ASB3: variants seen among roughly 807,000 people sequenced by gnomAD.
ASB3 encodes the protein ankyrin repeat and SOCS box containing 3, also known as ankyrin repeat and SOCS box protein 3.
A neutral mutation model predicts 54.5 loss-of-function variants in ASB3; 41 were observed. The ratio of observed to expected loss-of-function variants is 0.75; its 90% CI spans 0.59 to 0.98. ASB3 has a LOEUF of 0.98. Among genes scored for constraint, ASB3 ranks in the 50% least tolerant of loss-of-function variants. ASB3 has a pLI of 0.00. For missense variants in ASB3, 733 were observed against 620.0 expected (o/e 1.18, Z -1.94); for synonymous variants, 266 against 221.2 (o/e 1.20, Z -1.80).
chr2:53,764,682 T>TTTGTAGCACTGGC (rs1207061023), intron 2 of ASB3, among the ~76,000 whole-genome samples: 2 of 152,198 alleles, frequency 1.3e-5, no homozygotes, highest in Non-Finnish European at 2.9e-5. Flanking sequence ...ATAGCACTGG[T>TTTGTAGCACTGGC]TTGTAGCACT....
chr2:53,771,933 A>C (rs1165873261), intron 1 of ASB3: 1 of 1,560,816 alleles, frequency 6.4e-7, no homozygotes, highest in Non-Finnish European at 8.7e-7. Flanking sequence ...CTCTTGTTGA[A>C]GATCCTGCGG....
At chr2:53,713,493 T>C (rs1284349645) in intron 7 of ASB3, among the ~76,000 whole-genome samples, 2 of 152,220 alleles carry the variant, frequency 1.3e-5, no homozygotes, top group African/African-American at 2.4e-5. Context: ...ATAGACAAAG[T>C]TACTGGCCAG....
At chr2:53,681,645 C>A (rs181796315) in intron 9 of ASB3, among the ~76,000 whole-genome samples, 12 of 152,180 alleles carry the variant, frequency 7.9e-5, no homozygotes, top group East Asian at 5.8e-4. Flanking sequence ...TTCTTGGCAC[C>A]TTTGTTGAAA....
intron 5 of ASB3, among the ~76,000 whole-genome samples, chr2:53,723,596 A>ATGTGCCTTTTT (rs1670831813): frequency 6.6e-6 from 1 of 152,204 alleles, no homozygotes; most frequent in African/African-American, 2.4e-5. Context: ...TTAAATTCAT[A>ATGTGCCTTTTT]TGGAACCAAA....
chr2:53,690,493 A>G (rs1410871542), intron 9 of ASB3, among the ~76,000 whole-genome samples: 1 of 152,160 alleles, frequency 6.6e-6, no homozygotes, highest in Non-Finnish European at 1.5e-5. Flanking sequence ...GTCCCAAGAA[A>G]CCACAGCTAC....
intron 9 of ASB3, among the ~76,000 whole-genome samples, chr2:53,693,501 A>G (rs952529283): frequency 6.6e-6 from 1 of 152,196 alleles, no homozygotes; most frequent in African/African-American, 2.4e-5. Context: ...CACAGAGAAC[A>G]TAACTCCACA....
chr2:53,775,601 G>A (rs916523050), intron 1 of ASB3, among the ~76,000 whole-genome samples: 7 of 152,150 alleles, frequency 4.6e-5, no homozygotes, highest in Non-Finnish European at 8.8e-5. Flanking sequence ...TCAGCCTCCC[G>A]CGTAGCTGGG....
intron 2 of ASB3, among the ~76,000 whole-genome samples, chr2:53,757,548 T>C (rs1474719143): frequency 6.6e-6 from 1 of 152,196 alleles, no homozygotes; most frequent in East Asian, 1.9e-4. Flanking sequence ...TCTCCTTACT[T>C]CTGAATCTAC....
At chr2:53,727,715 TTTTCTTTC>T (rs762229234) in intron 5 of ASB3, among the ~76,000 whole-genome samples, 3 of 151,818 alleles carry the variant, frequency 2.0e-5, no homozygotes, top group African/African-American at 7.3e-5. Context: ...AAAGCCTGGG[TTTTCTTTC>T]TTTCTTTCTT....
At chr2:53,683,977 C>A (rs2103680641) in intron 9 of ASB3, among the ~76,000 whole-genome samples, 1 of 152,016 alleles carries the variant, frequency 6.6e-6, no homozygotes, top group South Asian at 2.1e-4. Context: ...TTTATTATTT[C>A]TTTTCTTCTA....
At position 53,670,076 on chromosome 2, in the gene ASB3, C is replaced by T. The variant is rs927787327; in HGVS notation, c.*427G>A. Reference sequence around the variant, plus strand: ...AGATTCTACACCACAGTTGTATACACTTCCAGTGAAGCTTTATGCATTCCA... The same window carrying T: ...AGATTCTACACCACAGTTGTATACATTTCCAGTGAAGCTTTATGCATTCCA... On this transcript the variant is annotated 3_prime_UTR_variant, in exon 10 of 10. Coordinates refer to ENST00000263634, the MANE Select transcript of ASB3 (RefSeq NM_016115.5). The T allele has an allele frequency of 5.8e-5, 9 of 156,430 alleles. No individual in the cohort carries two copies. The highest frequency in any genetic ancestry group is 2.2e-4 in the African/African-American group (9 of 41,276). 9.7% of individuals were successfully genotyped at this position (156,430 alleles called of 1,614,324 possible).
At chr2:53,778,044 G>C (rs1674442835) in intron 1 of ASB3, among the ~76,000 whole-genome samples, 1 of 151,564 alleles carries the variant, frequency 6.6e-6, no homozygotes, top group African/African-American at 2.4e-5. Context: ...AGCTACTTGG[G>C]AGGCTAAGCC....
At chr2:53,719,926 G>A (rs1670604944) in intron 5 of ASB3, among the ~76,000 whole-genome samples, 2 of 152,216 alleles carry the variant, frequency 1.3e-5, no homozygotes, top group South Asian at 4.1e-4. Flanking sequence ...AAGCCAAAGG[G>A]AAAAGTCAAG....
Position 53,761,636 on chromosome 2 carries a change from G to A in ASB3, c.196+3741C>T, listed in dbSNP as rs1308686126. Among the ~76,000 whole-genome samples, 3 of 152,182 alleles carry A rather than the reference G, an allele frequency of 2.0e-5. No individual in the cohort carries two copies. In the South Asian group the frequency reaches 6.2e-4, roughly 31 times the overall value. ...GTTCTCAGGCCTTCAGACTTAGGGT[G>A]AGTTACACCACCAGCTTTCCTGGTT... On this transcript the variant is annotated intron_variant, in intron 2 of 9. Coordinates refer to ENST00000263634, the MANE Select transcript of ASB3 (RefSeq NM_016115.5).
At chr2:53,731,121 A>G (rs10211650) in intron 3 of ASB3, among the ~76,000 whole-genome samples, 26,331 of 152,040 alleles carry the variant, frequency 0.17, 2,472 homozygotes, top group African/African-American at 0.25. Flanking sequence ...AAAATTCTCC[A>G]CCGAGTGTGG....
chr2:53,685,406 T>C (rs1181041884), intron 9 of ASB3, among the ~76,000 whole-genome samples: 2 of 152,228 alleles, frequency 1.3e-5, no homozygotes, highest in African/African-American at 4.8e-5. Context: ...TCATCTACAA[T>C]TAAAGCAGCT....
At chr2:53,715,117 T>C (rs1572894624) in intron 6 of ASB3, among the ~76,000 whole-genome samples, 1 of 151,966 alleles carries the variant, frequency 6.6e-6, no homozygotes, top group African/African-American at 2.4e-5. Context: ...TATTCTATTA[T>C]CTGAAAAAAA....
intron 8 of ASB3, among the ~76,000 whole-genome samples, chr2:53,699,893 C>A (rs556953752): frequency 1.3e-5 from 2 of 152,162 alleles, no homozygotes; most frequent in Admixed American, 6.5e-5. Flanking sequence ...GGATGCTGTA[C>A]GGCAGGACTA....
intron 9 of ASB3, among the ~76,000 whole-genome samples, chr2:53,684,251 G>A (rs570093886): frequency 3.3e-5 from 5 of 152,264 alleles, no homozygotes; most frequent in African/African-American, 9.6e-5. Flanking sequence ...GTCCACATTT[G>A]GCACTAACTA....
Sources: allele counts gnomAD v4.1 joint callset (sites outside exome capture counted in the v4.1 genomes callset), GRCh38; gene constraint gnomAD v4.1.1; transcripts MANE v1.5; gene names NCBI Gene and HGNC (gene_info 2026-07-23, HGNC 2026-07-21).